Variants in FTO observed in about 807,000 individuals in gnomAD.
FTO encodes FTO alpha-ketoglutarate dependent dioxygenase.
A neutral mutation model predicts 63.9 loss-of-function variants in FTO; 47 were observed. That is an observed-to-expected ratio of 0.74 (90% confidence interval 0.58 to 0.94). The LOEUF is 0.94. FTO is among the 40% of genes least tolerant of loss of function. FTO has a pLI of 0.00. For missense variants in FTO, 562 were observed against 618.1 expected, an observed-to-expected ratio of 0.91 and a Z score of 0.96; for synonymous variants, 207 against 224.4, an observed-to-expected ratio of 0.92 and a Z score of 0.69.
At chr16:53,718,907 G>A (rs954713053) in intron 1 of FTO, among the ~76,000 whole-genome samples, 1 of 152,144 alleles carries the variant, frequency 6.6e-6, no homozygotes, top group African/African-American at 2.4e-5. Flanking sequence ...TATGGAAACC[G>A]CAGAGTGGTA....
At chr16:54,017,953 T>C (rs904356409) in intron 8 of FTO, among the ~76,000 whole-genome samples, 19 of 152,126 alleles carry the variant, frequency 1.2e-4, no homozygotes, top group African/African-American at 4.1e-4. Context: ...AGGAAAAAAA[T>C]AACTCACCCC....
At chr16:54,057,011 C>T (rs2085451707) in intron 8 of FTO, among the ~76,000 whole-genome samples, 1 of 152,102 alleles carries the variant, frequency 6.6e-6, no homozygotes, top group Admixed American at 6.6e-5. Context: ...AAGCAAGGTC[C>T]CTGCCTTCAA....
At position 54,117,631 on chromosome 16, in the gene FTO, C is replaced by T. The variant is rs1231423754; in HGVS notation, c.*5716C>T. The T allele has an allele frequency of 6.6e-6, 1 of 152,206 alleles. No individual in the cohort carries two copies. The highest frequency in any genetic ancestry group is 1.5e-5 in the Non-Finnish European group (1 of 68,046). The allele number at this position is 152,206 out of a possible 1,614,324, so 9.4% of individuals were successfully genotyped here. On this transcript the variant is annotated 3_prime_UTR_variant, in exon 9 of 9. Coordinates refer to ENST00000471389, the MANE Select transcript of FTO (RefSeq NM_001080432.3). ...ACTATCCCATATATTATCCCATTTGCTCTTCACAGCTTCCATTTTTCGCTA... is the reference window on the plus strand; with the variant it reads ...ACTATCCCATATATTATCCCATTTGTTCTTCACAGCTTCCATTTTTCGCTA...
intron 4 of FTO, among the ~76,000 whole-genome samples, chr16:53,865,987 G>C (rs2080302370): frequency 6.6e-6 from 1 of 152,144 alleles, no homozygotes; most frequent in Non-Finnish European, 1.5e-5. Context: ...ACTCTGAGCA[G>C]AAAAGTTTCT....
At chr16:53,989,537 G>A (rs749797609) in intron 8 of FTO, among the ~76,000 whole-genome samples, 2 of 152,056 alleles carry the variant, frequency 1.3e-5, no homozygotes, top group Non-Finnish European at 2.9e-5. Context: ...TAGGGTAGAC[G>A]GCAAGAACTT....
At chr16:53,710,018 T>C (rs1598463077) in intron 1 of FTO, among the ~76,000 whole-genome samples, 1 of 152,268 alleles carries the variant, frequency 6.6e-6, no homozygotes, top group East Asian at 1.9e-4. Flanking sequence ...TTTTTCCTGG[T>C]CCAGGTTCCA....
chr16:53,930,019 T>C (rs563369178), intron 7 of FTO, among the ~76,000 whole-genome samples: 3 of 152,220 alleles, frequency 2.0e-5, no homozygotes, highest in African/African-American at 4.8e-5. Flanking sequence ...AGTGATTCTC[T>C]CTTCAGCTCC....
At chr16:53,792,687 G>T (rs1213034416) in intron 1 of FTO, among the ~76,000 whole-genome samples, 1 of 152,196 alleles carries the variant, frequency 6.6e-6, no homozygotes, top group African/African-American at 2.4e-5. Flanking sequence ...ATCTCATGGA[G>T]CTCTATCCTC....
At chr16:53,752,935 T>TA (rs2076833594) in intron 1 of FTO, among the ~76,000 whole-genome samples, 1 of 151,458 alleles carries the variant, frequency 6.6e-6, no homozygotes, top group South Asian at 2.1e-4. Context: ...TTTTTTTTTT[T>TA]AAAGAATCCT....
At chr16:53,768,388 T>C (rs1248586663) in intron 1 of FTO, among the ~76,000 whole-genome samples, 1 of 152,220 alleles carries the variant, frequency 6.6e-6, no homozygotes, top group Non-Finnish European at 1.5e-5. Flanking sequence ...TGGCACAGAA[T>C]GTGTAAATAT....
intron 2 of FTO, among the ~76,000 whole-genome samples, chr16:53,817,375 C>A (rs116612758): frequency 6.6e-6 from 1 of 152,046 alleles, no homozygotes; most frequent in African/African-American, 2.4e-5. Flanking sequence ...CGTTAGTCAT[C>A]GGATGGCTGC....
At chr16:53,866,101 C>T (rs1352592312) in intron 4 of FTO, among the ~76,000 whole-genome samples, 2 of 152,244 alleles carry the variant, frequency 1.3e-5, no homozygotes, top group East Asian at 3.9e-4. Flanking sequence ...AATTTTTTAT[C>T]ATGAATGGGT....
intron 8 of FTO, among the ~76,000 whole-genome samples, chr16:53,947,625 A>G (rs1014167784): frequency 6.6e-6 from 1 of 152,142 alleles, no homozygotes; most frequent in Non-Finnish European, 1.5e-5. Context: ...CTGTGGACGA[A>G]TGTACTCGAA....
chr16:53,769,907 C>T (rs947576230), intron 1 of FTO, among the ~76,000 whole-genome samples: 1 of 151,970 alleles, frequency 6.6e-6, no homozygotes, highest in African/African-American at 2.4e-5. Context: ...ATCTCTATTC[C>T]AGCCAGCAAG....
At chr16:53,735,492 T>A (rs944864539) in intron 1 of FTO, among the ~76,000 whole-genome samples, 3 of 152,194 alleles carry the variant, frequency 2.0e-5, no homozygotes, top group Non-Finnish European at 4.4e-5. Context: ...ACATCCTCGC[T>A]GACTCCAGAG....
intron 1 of FTO, among the ~76,000 whole-genome samples, chr16:53,722,827 CAAAAAAA>C (rs34522072): frequency 4.3e-4 from 61 of 141,632 alleles, no homozygotes; most frequent in African/African-American, 1.3e-3. Flanking sequence ...GACGCCACCT[CAAAAAAA>C]AAAAAAAATG....
At chr16:53,809,192 G>A (rs1367937056) in intron 1 of FTO, among the ~76,000 whole-genome samples, 1 of 152,172 alleles carries the variant, frequency 6.6e-6, no homozygotes, top group Non-Finnish European at 1.5e-5. Flanking sequence ...AACAGCCTCA[G>A]ACAATGCTGG....
At chr16:53,970,802 C>T (rs541926678) in intron 8 of FTO, among the ~76,000 whole-genome samples, 34 of 152,146 alleles carry the variant, frequency 2.2e-4, no homozygotes, top group Admixed American at 3.9e-4. Flanking sequence ...TCAGTGTTGG[C>T]AGATAATTCA....
rs535912460 is a variant in FTO, at chr16:53,952,386, C to G, written c.1364+18277C>G. 1.1e-3 allele frequency among the ~76,000 whole-genome samples: 166 copies of G among 152,300 alleles called. 1 individual carries two copies. The highest frequency in any genetic ancestry group is 3.8e-3 in the African/African-American group (156 of 41,568). On this transcript the variant is annotated intron_variant, in intron 8 of 8. Coordinates refer to ENST00000471389, the MANE Select transcript of FTO (RefSeq NM_001080432.3). ...TAGCATATGATAATGCCATGATTAT[C>G]CATGTTTTCTGAAGGGCTCTAACCT...
Sources: gnomAD v4.1 joint callset for allele counts (sites outside exome capture counted in the v4.1 genomes callset) on GRCh38, gnomAD v4.1.1 for gene constraint, MANE v1.5 for transcripts, NCBI Gene and HGNC (gene_info 2026-07-23, HGNC 2026-07-21) for gene names.